Variants in NCALD observed in about 807,000 individuals in gnomAD.
The protein encoded by NCALD is neurocalcin delta.
A neutral mutation model predicts 18.6 loss-of-function variants in NCALD; 10 were observed. The observed-to-expected ratio is 0.54, with a 90% confidence interval of 0.33 to 0.91. NCALD has a LOEUF of 0.91. NCALD is among the 40% of genes least tolerant of loss of function. The probability of loss-of-function intolerance (pLI) is 0.03; values close to 1 mark genes in which losing one functional copy is unlikely to be tolerated. For synonymous variants in NCALD, 88 were observed against 87.4 expected (o/e 1.01, Z -0.04); for missense variants, 184 against 247.6 (o/e 0.74, Z 1.72).
At chr8:101,944,522 A>G (rs1054698078) in intron 2 of NCALD, among the ~76,000 whole-genome samples, 3 of 152,348 alleles carry the variant, frequency 2.0e-5, no homozygotes, top group African/African-American at 7.2e-5. Context: ...AGAGAAAATC[A>G]CTAATAGTAA....
At chr8:102,107,398 G>C (rs2132438167) in intron 1 of NCALD, among the ~76,000 whole-genome samples, 1 of 151,854 alleles carries the variant, frequency 6.6e-6, no homozygotes, top group Admixed American at 6.6e-5. Context: ...TTTTCTAAAA[G>C]GCAATAATCA....
intron 2 of NCALD, among the ~76,000 whole-genome samples, chr8:101,715,084 GCATGGTACTAGTACCAAAACAC>G (rs1370418839): frequency 2.0e-5 from 3 of 151,664 alleles, no homozygotes; most frequent in Admixed American, 2.0e-4. Flanking sequence ...AACCAAAACG[GCATGGTACTAGTACCAAAACAC>G]CATGGTACTG....
intron 1 of NCALD, among the ~76,000 whole-genome samples, chr8:101,730,423 T>C (rs529404959): frequency 1.5e-5 from 2 of 131,406 alleles, no homozygotes; most frequent in South Asian, 4.6e-4. Context: ...GAGGTTGTGG[T>C]GATCCAAGAT....
At chr8:101,751,148 A>G (rs1333876559) in intron 1 of NCALD, among the ~76,000 whole-genome samples, 1 of 152,244 alleles carries the variant, frequency 6.6e-6, no homozygotes, top group African/African-American at 2.4e-5. Flanking sequence ...ACAATGGAAT[A>G]CTATCCAGCC....
chr8:101,698,784 A>G (rs941620654), intron 2 of NCALD, among the ~76,000 whole-genome samples: 1 of 152,212 alleles, frequency 6.6e-6, no homozygotes, highest in Non-Finnish European at 1.5e-5. Context: ...TTAACTCAAG[A>G]TAGATTAAAG....
At chr8:101,881,339 C>A (rs928006795) in intron 4 of NCALD, among the ~76,000 whole-genome samples, 23 of 152,148 alleles carry the variant, frequency 1.5e-4, no homozygotes, top group African/African-American at 4.8e-4. Context: ...AATACCATTT[C>A]TTAGCTTTAC....
At chr8:101,909,002 G>A (rs1817701165) in intron 3 of NCALD, among the ~76,000 whole-genome samples, 1 of 152,108 alleles carries the variant, frequency 6.6e-6, no homozygotes, top group South Asian at 2.1e-4. Context: ...AAGAGGCCCA[G>A]TTTACCTGAG....
intron 1 of NCALD, among the ~76,000 whole-genome samples, chr8:102,114,393 G>A (rs1192390386): frequency 6.6e-6 from 1 of 152,184 alleles, no homozygotes; most frequent in East Asian, 1.9e-4. Context: ...AAACTAAAGA[G>A]GCTGCTCTTG....
At chr8:101,824,390 G>T (rs1281459672) in intron 4 of NCALD, among the ~76,000 whole-genome samples, 3 of 151,976 alleles carry the variant, frequency 2.0e-5, no homozygotes. Flanking sequence ...CACCATACTG[G>T]GGTACAAATA....
chr8:101,722,397 C>G (rs981303593), intron 1 of NCALD, among the ~76,000 whole-genome samples: 2 of 152,034 alleles, frequency 1.3e-5, no homozygotes, highest in African/African-American at 4.8e-5. Context: ...TACATAATAC[C>G]CGGCTTTCTA....
chr8:101,818,898 G>A (rs1346787929), intron 4 of NCALD, among the ~76,000 whole-genome samples: 5 of 152,046 alleles, frequency 3.3e-5, no homozygotes, highest in East Asian at 1.9e-4. Context: ...CCAGCTACTC[G>A]GGAGCTGAGG....
chr8:101,852,712 G>C (rs1181447047), intron 4 of NCALD: 2 of 152,228 alleles, frequency 1.3e-5, no homozygotes, highest in African/African-American at 4.8e-5. Flanking sequence ...TCTAAGGCAG[G>C]CAGGAAATTT....
At chr8:102,021,312 C>T (rs1195762249) in intron 1 of NCALD, among the ~76,000 whole-genome samples, 3 of 152,154 alleles carry the variant, frequency 2.0e-5, no homozygotes, top group Non-Finnish European at 4.4e-5. Context: ...ATTTAATAAG[C>T]TTCCTACCAT....
At chr8:101,779,485 GGCCCAAATATAGCAAACTAAAATGTA>G (rs1811926648) in intron 1 of NCALD, among the ~76,000 whole-genome samples, 1 of 152,090 alleles carries the variant, frequency 6.6e-6, no homozygotes, top group Non-Finnish European at 1.5e-5. Context: ...GGGCAATTAT[GGCCCAAATATAGCAAACTAAAATGTA>G]GTATGTGTTT....
At chr8:102,029,595 C>T (rs751482664) in intron 1 of NCALD, among the ~76,000 whole-genome samples, 1 of 152,162 alleles carries the variant, frequency 6.6e-6, no homozygotes, top group African/African-American at 2.4e-5. Context: ...CTCCTGTCAA[C>T]GTTTCATCAT....
intron 1 of NCALD, among the ~76,000 whole-genome samples, chr8:101,732,255 C>T (rs1163504004): frequency 6.6e-6 from 1 of 152,176 alleles, no homozygotes; most frequent in African/African-American, 2.4e-5. Flanking sequence ...TAAAACAAAA[C>T]AGTCGGCCCT....
rs565037005 is a variant in NCALD at position 101,834,539 on chromosome 8, G to C, written c.-20+52602C>G. 7.2e-5 allele frequency among the ~76,000 whole-genome samples: 11 copies of C among 152,302 alleles called. No individual in the cohort carries two copies. In the East Asian group the frequency reaches 1.7e-3, roughly 24 times the overall value. On this transcript the variant is annotated intron_variant, in intron 4 of 6. Transcript: ENST00000311028. ...GAAGCCCATGCTGGCCCTATTTTGGGGACTGAGCTGCTCGGGACCTGATTT... is the reference window on the plus strand; with the variant it reads ...GAAGCCCATGCTGGCCCTATTTTGGCGACTGAGCTGCTCGGGACCTGATTT...
rs192271476 is a variant in NCALD, at chr8:102,026,847, C to T, written c.-209-6558G>A. The stretch of plus-strand genomic sequence containing the variant: ...TGGAGATCCAGGCATTTCCATACAT[C>T]CTCTGAAATCTAGGCAGAGGTTCCC... On this transcript the variant is annotated intron_variant, in intron 1 of 6. Transcript: ENST00000311028. Among the ~76,000 whole-genome samples the T allele has an allele frequency of 3.3e-3, 502 of 152,336 alleles. 4 individuals are homozygous for T. Among genetic ancestry groups the T allele is most frequent in the African/African-American group, 0.012 (480 of 41,578 alleles).
intron 1 of NCALD, among the ~76,000 whole-genome samples, chr8:102,105,104 C>T (rs1340547630): frequency 6.6e-6 from 1 of 152,132 alleles, no homozygotes; most frequent in African/African-American, 2.4e-5. Flanking sequence ...GACCTTGATA[C>T]GGGCCAGCCT....
Sources: allele counts gnomAD v4.1 joint callset (sites outside exome capture counted in the v4.1 genomes callset), GRCh38; gene constraint gnomAD v4.1.1; transcripts MANE v1.5; gene names NCBI Gene and HGNC (gene_info 2026-07-23, HGNC 2026-07-21).